Variants in LGSN observed in about 807,000 individuals in gnomAD.
The protein encoded by LGSN is lengsin, lens protein with glutamine synthetase domain.
A neutral mutation model predicts 19.5 loss-of-function variants in LGSN; 21 were observed. The observed-to-expected ratio is 1.07, with a 90% confidence interval of 0.76 to 1.55. LGSN has a LOEUF of 1.55. Among genes scored for constraint, LGSN ranks in the 40% most tolerant of loss-of-function variants. LGSN has a pLI of 0.00. For missense variants in LGSN, 673 were observed against 608.5 expected, an observed-to-expected ratio of 1.11 and a Z score of -1.12; for synonymous variants, 257 against 215.6, an observed-to-expected ratio of 1.19 and a Z score of -1.68.
At chr6:63,287,968 C>G (rs1160020486) in intron 2 of LGSN, among the ~76,000 whole-genome samples, 1 of 152,102 alleles carries the variant, frequency 6.6e-6, no homozygotes, top group South Asian at 2.1e-4. Flanking sequence ...GTAATCTCAT[C>G]ACTTTGGGAG....
At chr6:63,393,287 C>T in the LGSN span, among the ~76,000 whole-genome samples, 1 of 151,934 alleles carries the variant, frequency 6.6e-6, no homozygotes, top group East Asian at 1.9e-4. Context: ...CCTGCCTCAG[C>T]CTCTCCTCCC....
chr6:63,402,913 T>C, the LGSN span, among the ~76,000 whole-genome samples: 10 of 152,270 alleles, frequency 6.6e-5, 1 homozygote, highest in South Asian at 2.1e-3. Flanking sequence ...TGAGGTCCCC[T>C]CAAAAATAAG....
chr6:63,338,934 T>G, the LGSN span, among the ~76,000 whole-genome samples: 1 of 152,234 alleles, frequency 6.6e-6, no homozygotes, highest in Non-Finnish European at 1.5e-5. Context: ...CCAATTATTA[T>G]TAAGAAGCAT....
upstream of LGSN, among the ~76,000 whole-genome samples, chr6:63,324,556 T>C (rs1050556525): frequency 6.6e-6 from 1 of 152,180 alleles, no homozygotes; most frequent in African/African-American, 2.4e-5. Context: ...ATTAAAATTA[T>C]ATCAAGTGTT....
At chr6:63,415,147 C>T in the LGSN span, among the ~76,000 whole-genome samples, 1 of 151,814 alleles carries the variant, frequency 6.6e-6, no homozygotes, top group South Asian at 2.1e-4. Context: ...TGGAGAAACC[C>T]TGAAACCCTG....
intron 1 of LGSN, among the ~76,000 whole-genome samples, chr6:63,302,365 T>C (rs1400105605): frequency 6.6e-6 from 1 of 152,200 alleles, no homozygotes; most frequent in Admixed American, 6.5e-5. Context: ...TTCTTAAAGC[T>C]CATTACAATC....
At chr6:63,422,480 ACT>A in the LGSN span, among the ~76,000 whole-genome samples, 2 of 152,040 alleles carry the variant, frequency 1.3e-5, no homozygotes, top group Non-Finnish European at 2.9e-5. Flanking sequence ...TTATATGAAA[ACT>A]CTGTGCTTTC....
chr6:63,435,450 A>G, the LGSN span, among the ~76,000 whole-genome samples: 1 of 152,224 alleles, frequency 6.6e-6, no homozygotes, highest in South Asian at 2.1e-4. Context: ...GATGAATACT[A>G]ATGGTGCTAA....
At chr6:63,391,302 G>A in the LGSN span, among the ~76,000 whole-genome samples, 30 of 151,534 alleles carry the variant, frequency 2.0e-4, no homozygotes, top group African/African-American at 7.0e-4. Context: ...AGGGAAGTAA[G>A]AACCAAGAGG....
the LGSN span, among the ~76,000 whole-genome samples, chr6:63,494,364 C>A: frequency 6.6e-6 from 1 of 151,874 alleles, no homozygotes; most frequent in African/African-American, 2.4e-5. Context: ...AATATATAAG[C>A]AGAATAGACA....
the LGSN span, among the ~76,000 whole-genome samples, chr6:63,384,891 T>C: frequency 9.7e-4 from 147 of 152,312 alleles, 2 homozygotes; most frequent in African/African-American, 3.3e-3. Flanking sequence ...ATCTGACTGA[T>C]GTCATTTTGA....
At chr6:63,497,539 C>A in the LGSN span, among the ~76,000 whole-genome samples, 1 of 151,922 alleles carries the variant, frequency 6.6e-6, no homozygotes, top group African/African-American at 2.4e-5. Context: ...GGTGGCAGAG[C>A]GAGACTCCGT....
the LGSN span, among the ~76,000 whole-genome samples, chr6:63,495,223 G>A: frequency 2.0e-5 from 3 of 151,730 alleles, no homozygotes; most frequent in African/African-American, 4.8e-5. Flanking sequence ...TTTGCATAAG[G>A]GTTCACATGA....
At chr6:63,367,339 A>G in the LGSN span, among the ~76,000 whole-genome samples, 58 of 152,334 alleles carry the variant, frequency 3.8e-4, no homozygotes, top group African/African-American at 1.2e-3. Context: ...CACATGAAAA[A>G]ATGCTCATCA....
the LGSN span, among the ~76,000 whole-genome samples, chr6:63,547,437 G>C: frequency 6.7e-6 from 1 of 150,112 alleles, no homozygotes; most frequent in Non-Finnish European, 1.5e-5. Flanking sequence ...TGATTAATCT[G>C]CCTCGGCCTC....
chr6:63,316,638 G>T (rs1768876021), intron 1 of LGSN, among the ~76,000 whole-genome samples: 1 of 151,954 alleles, frequency 6.6e-6, no homozygotes, highest in Non-Finnish European at 1.5e-5. Flanking sequence ...AGATCGTATG[G>T]CTAAAAATAT....
chr6:63,549,560 T>C, the LGSN span: 1 of 609,538 alleles, frequency 1.6e-6, no homozygotes, highest in Non-Finnish European at 2.9e-6. Flanking sequence ...GTTGACAAGA[T>C]TTGAAGTTTT....
chr6:63,325,796 G>A, the LGSN span, among the ~76,000 whole-genome samples: 1 of 152,156 alleles, frequency 6.6e-6, no homozygotes, highest in Admixed American at 6.5e-5. Context: ...CCTTTGCGGT[G>A]AGTTTTACAG....
chr6:63,288,230 A>AAAATAAAT (rs561099445), intron 2 of LGSN, among the ~76,000 whole-genome samples: 12,866 of 138,270 alleles, frequency 0.093, 694 homozygotes, highest in Non-Finnish European at 0.12. Flanking sequence ...CCATCTCAAA[A>AAAATAAAT]AAATAAATAA....
Sources: allele counts gnomAD v4.1 joint callset (sites outside exome capture counted in the v4.1 genomes callset), GRCh38; gene constraint gnomAD v4.1.1; transcripts MANE v1.5; gene names NCBI Gene and HGNC (gene_info 2026-07-23, HGNC 2026-07-21).